The following PTPRD variants were observed in gnomAD, a reference collection of about 807,000 sequenced individuals.
PTPRD encodes receptor-type tyrosine-protein phosphatase delta.
Under a neutral mutation model 214.5 loss-of-function variants are expected in PTPRD, and 34 were observed. The ratio of observed to expected loss-of-function variants is 0.16; its 90% confidence interval spans 0.12 to 0.21. The LOEUF (loss-of-function observed/expected upper bound fraction) is 0.21, where lower values mean the gene tolerates loss of function less well. Among genes scored for constraint, PTPRD ranks in the 10% least tolerant of loss-of-function variants. PTPRD has a pLI of 1.00. For synonymous variants in PTPRD, 1,128 were observed against 845.7 expected, an observed-to-expected ratio of 1.33 and a Z score of -5.79; for missense variants, 2,545 against 2,398.7, an observed-to-expected ratio of 1.06 and a Z score of -1.27.
rs182232811 is a variant in PTPRD, at chr9:8,653,620, A to G, written c.65-16776T>C. 2.6e-4 allele frequency among the ~76,000 whole-genome samples: 40 copies of G among 152,248 alleles called. No homozygotes were observed. The East Asian group carries it at 7.0e-3, about 27-fold the overall frequency. ...TAGTACCGTTGCAAATTCATGATCT[A>G]CAGCCTCAACTATACCCCTCTGTCA... On this transcript the variant is annotated intron_variant, in intron 12 of 45. Coordinates refer to ENST00000381196, the MANE Select transcript of PTPRD (RefSeq NM_002839.4).
At chr9:9,121,848 C>T (rs148447960) in intron 10 of PTPRD, among the ~76,000 whole-genome samples, 1,557 of 152,210 alleles carry the variant, frequency 0.01, 12 homozygotes, top group Non-Finnish European at 0.015. Flanking sequence ...AGAAAATCTC[C>T]ATTCTTGTAA....
intron 8 of PTPRD, among the ~76,000 whole-genome samples, chr9:9,416,907 GT>G (rs1017155540): frequency 1.5e-4 from 23 of 150,576 alleles, no homozygotes; most frequent in African/African-American, 5.2e-4. Context: ...GAAAATATTT[GT>G]TTTTTTCCCT....
At chr9:9,512,684 T>C (rs1324018766) in intron 8 of PTPRD, among the ~76,000 whole-genome samples, 1 of 151,822 alleles carries the variant, frequency 6.6e-6, no homozygotes, top group Non-Finnish European at 1.5e-5. Flanking sequence ...AGGAGATACA[T>C]GAGTTTCTTT....
chr9:8,786,760 G>GGGGGGGC (rs1357712648), intron 11 of PTPRD, among the ~76,000 whole-genome samples: 49 of 151,420 alleles, frequency 3.2e-4, no homozygotes, highest in African/African-American at 1.0e-3. Context: ...AAAAAAAGGT[G>GGGGGGGC]GGGGGGCGGG....
At chr9:8,899,619 G>C (rs1477145893) in intron 11 of PTPRD, among the ~76,000 whole-genome samples, 1 of 152,188 alleles carries the variant, frequency 6.6e-6, no homozygotes, top group African/African-American at 2.4e-5. Flanking sequence ...GTTGTGGGAA[G>C]GTTGTTGAGG....
chr9:9,548,659 A>G lies in PTPRD; in HGVS notation c.-237+26073T>C, dbSNP rs541509836. On this transcript the variant is annotated intron_variant, in intron 8 of 45. Transcript: ENST00000381196. The stretch of plus-strand genomic sequence containing the variant: ...TAAAGTAAAGACACAAAAGAGTTAA[A>G]AGCAAAAGTATGATAAAAAACGATG... Among the ~76,000 whole-genome samples, 180 of 151,976 alleles carry G rather than the reference A, an allele frequency of 1.2e-3. 1 individual carries two copies. The highest frequency in any genetic ancestry group is 3.4e-3 in the Middle Eastern group (1 of 294).
intron 9 of PTPRD, among the ~76,000 whole-genome samples, chr9:9,197,994 A>G (rs2099939638): frequency 6.6e-6 from 1 of 152,222 alleles, no homozygotes; most frequent in South Asian, 2.1e-4. Flanking sequence ...TAATCTAGAA[A>G]AATAATAATT....
chr9:8,426,094 G>C (rs2131869155), intron 35 of PTPRD, among the ~76,000 whole-genome samples: 1 of 152,266 alleles, frequency 6.6e-6, no homozygotes. Context: ...GTCATGTTAA[G>C]TGACTGACAG....
chr9:8,963,843 G>T (rs1369452673), intron 11 of PTPRD, among the ~76,000 whole-genome samples: 1 of 151,956 alleles, frequency 6.6e-6, no homozygotes, highest in African/African-American at 2.4e-5. Flanking sequence ...CAAATTCCTG[G>T]GTTCAAGGAG....
intron 2 of PTPRD, among the ~76,000 whole-genome samples, chr9:10,595,208 A>C (rs10756066): frequency 0.27 from 40,716 of 151,748 alleles, 5,618 homozygotes; most frequent in Admixed American, 0.33. Context: ...ATAGGACTGT[A>C]TTAATTATCT....
intron 9 of PTPRD, among the ~76,000 whole-genome samples, chr9:9,209,725 T>C (rs1441225669): frequency 6.6e-6 from 1 of 152,210 alleles, no homozygotes; most frequent in Non-Finnish European, 1.5e-5. Flanking sequence ...TATACTATTC[T>C]GTTGATTTTT....
Position 10,499,167 on chromosome 9 carries a change from G to A in PTPRD, c.-600+113231C>T, listed in dbSNP as rs144277702. Among the ~76,000 whole-genome samples the A allele has an allele frequency of 3.8e-3, 579 of 151,994 alleles. 3 individuals carry two copies. The highest frequency in any genetic ancestry group is 0.013 in the African/African-American group (537 of 41,514). The stretch of plus-strand genomic sequence containing the variant: ...AAGATTCAAGTATTTAAGCTGAACT[G>A]TCTGCCCAGCTACCACTAGATTTAT... On this transcript the variant is annotated intron_variant, in intron 2 of 45. Coordinates refer to ENST00000381196, the MANE Select transcript of PTPRD (RefSeq NM_002839.4).
chr9:8,539,817 T>C (rs959996223), intron 14 of PTPRD, among the ~76,000 whole-genome samples: 19 of 152,072 alleles, frequency 1.2e-4, no homozygotes, highest in Non-Finnish European at 2.2e-4. Context: ...GGTTGACAAG[T>C]ACAAAATACA....
intron 8 of PTPRD, among the ~76,000 whole-genome samples, chr9:9,407,142 T>C (rs1197218593): frequency 5.3e-5 from 8 of 151,846 alleles, no homozygotes; most frequent in African/African-American, 1.9e-4. Flanking sequence ...TTTATAATAC[T>C]GTAGATTGGC....
intron 3 of PTPRD, among the ~76,000 whole-genome samples, chr9:10,160,722 C>T (rs567807869): frequency 6.6e-6 from 1 of 151,960 alleles, no homozygotes; most frequent in South Asian, 2.1e-4. Context: ...GAAGCCCTAG[C>T]CACAGAAATT....
chr9:8,796,165 A>G (rs868336987), intron 11 of PTPRD, among the ~76,000 whole-genome samples: 18 of 152,218 alleles, frequency 1.2e-4, no homozygotes, highest in Admixed American at 5.9e-4. Context: ...ATGTTTATCT[A>G]TATCTGCATG....
At chr9:8,725,789 T>G (rs2098550248) in intron 12 of PTPRD, among the ~76,000 whole-genome samples, 1 of 152,092 alleles carries the variant, frequency 6.6e-6, no homozygotes, top group Non-Finnish European at 1.5e-5. Context: ...GTGGTCAGAG[T>G]AATTATACAG....
intron 5 of PTPRD, among the ~76,000 whole-genome samples, chr9:9,839,597 G>C (rs952743649): frequency 2.6e-5 from 4 of 151,978 alleles, no homozygotes; most frequent in African/African-American, 7.2e-5. Flanking sequence ...TGGGTAGGAA[G>C]AATCAATATC....
intron 3 of PTPRD, among the ~76,000 whole-genome samples, chr9:10,337,696 A>G (rs759187967): frequency 8.9e-4 from 135 of 151,858 alleles, no homozygotes; most frequent in Non-Finnish European, 1.6e-3. Flanking sequence ...CTTATGTGTC[A>G]GGAACTTTAC....
Sources: gnomAD v4.1 joint callset for allele counts (sites outside exome capture counted in the v4.1 genomes callset) on GRCh38, gnomAD v4.1.1 for gene constraint, MANE v1.5 for transcripts, NCBI Gene and HGNC (gene_info 2026-07-23, HGNC 2026-07-21) for gene names.